The following PIGB variants were observed in gnomAD, a reference collection of about 807,000 sequenced individuals.
PIGB encodes GPI alpha-1,2-mannosyltransferase 3.
Under a neutral mutation model 68.4 loss-of-function variants are expected in PIGB, and 58 were observed. The observed-to-expected ratio is 0.85, with a 90% CI of 0.69 to 1.06. The LOEUF is 1.06. PIGB is among the 50% of genes least tolerant of loss of function. The pLI, the probability that PIGB is intolerant of heterozygous loss-of-function variation, is 0.00. For missense variants in PIGB, 634 were observed against 655.8 expected (o/e 0.97, Z 0.36); for synonymous variants, 219 against 220.5 (o/e 0.99, Z 0.06).
Position 55,319,342 on chromosome 15 carries a change from A to C in PIGB, c.92A>C (p.Lys31Thr). The C allele has an allele frequency of 6.3e-7, 1 of 1,577,278 alleles. No homozygotes were observed. Among genetic ancestry groups the C allele is most frequent in the East Asian group, 2.3e-5 (1 of 43,448 alleles). Residue 31 changes from lysine to threonine, a missense_variant, in exon 1 of 12, where the codon AAG becomes ACG. Lys to Thr is a moderately conservative substitution (Grantham distance 78). Coordinates refer to ENST00000164305, the MANE Select transcript of PIGB (RefSeq NM_004855.5). ...LHGLQNRSHG[K>T]IKLRKRKSTL... ...GGTCTCCAGAACCGCTCCCACGGCAAGATAAAGCTGCGAAAGAGAAAGTCT... is the reference window on the plus strand; with the variant it reads ...GGTCTCCAGAACCGCTCCCACGGCACGATAAAGCTGCGAAAGAGAAAGTCT...
At chr15:55,336,945 G>A (rs1022849647) in intron 6 of PIGB, among the ~76,000 whole-genome samples, 4 of 151,950 alleles carry the variant, frequency 2.6e-5, no homozygotes, top group African/African-American at 9.7e-5. Context: ...AACTGAAATT[G>A]CACCACTGCA....
intron 1 of PIGB, 163 bp from the exon 2 acceptor site, chr15:55,320,112 G>C (rs1458243819): frequency 6.2e-6 from 3 of 482,170 alleles, no homozygotes; most frequent in Non-Finnish European, 1.1e-5. Flanking sequence ...ATGACGCTGT[G>C]GTGCTTGTAT....
chr15:55,327,713 C>A lies in PIGB; in HGVS notation c.522+78C>A. 5 of 808,300 alleles carry A rather than the reference C, an allele frequency of 6.2e-6. No individual in the cohort carries two copies. The South Asian group carries it at 6.2e-5, about 10-fold the overall frequency. 50.1% of individuals were successfully genotyped at this position (808,300 alleles called of 1,614,324 possible). ...TATAAAGCACATGGAAACATTGATT[C>A]CCAAAACAATTTTAGAAGATAATTC... On this transcript the variant is annotated intron_variant, in intron 4 of 11. Coordinates refer to ENST00000164305, the MANE Select transcript of PIGB (RefSeq NM_004855.5).
intron 3 of PIGB, among the ~76,000 whole-genome samples, chr15:55,324,286 G>A (rs1424450327): frequency 6.6e-6 from 1 of 152,134 alleles, no homozygotes; most frequent in Non-Finnish European, 1.5e-5. Flanking sequence ...TACCAACATA[G>A]GCCTAGTGCT....
At chr15:55,353,061 G>T (rs2247550) in intron 10 of PIGB, among the ~76,000 whole-genome samples, 4 of 152,132 alleles carry the variant, frequency 2.6e-5, no homozygotes, top group Non-Finnish European at 5.9e-5. Context: ...TTCACTCTCC[G>T]TGCTCACATT....
intron 10 of PIGB, among the ~76,000 whole-genome samples, chr15:55,353,480 G>A (rs1384231152): frequency 6.6e-6 from 1 of 151,444 alleles, no homozygotes; most frequent in Non-Finnish European, 1.5e-5. Context: ...AATTTTAAAT[G>A]TTTGTATCAG....
At chr15:55,329,975 T>G in intron 5 of PIGB, 121 bp downstream of exon 5, 1 of 615,368 alleles carries the variant, frequency 1.6e-6, no homozygotes, top group Non-Finnish European at 2.8e-6. Flanking sequence ...AACCACAAAT[T>G]TTCAGTTGAT....
At chr15:55,320,233 T>C in intron 1 of PIGB, 42 bp from the exon 2 acceptor site, 4 of 1,592,122 alleles carry the variant, frequency 2.5e-6, no homozygotes, top group Non-Finnish European at 3.4e-6. Context: ...TGGAACTGCC[T>C]GACTTTTGTG....
chr15:55,330,444 T>C (rs961059260), intron 5 of PIGB, among the ~76,000 whole-genome samples: 67 of 152,218 alleles, frequency 4.4e-4, no homozygotes, highest in African/African-American at 1.6e-3. Context: ...TTTATTTGGC[T>C]TCCTTTAAAC....
rs1290299315 is a variant in PIGB at position 55,355,403 on chromosome 15, G to A, written c.1636G>A (p.Gly546Arg). The change falls in exon 12 of 12, where the codon GGG (glycine) becomes AGG (arginine). Residue 546 changes from glycine to arginine, a missense_variant. Gly to Arg is a moderately radical substitution (Grantham distance 125, BLOSUM62 -2). Transcript: ENST00000164305. ...ATATGTCTATGAACGGAAGTTAAAA[G>A]GGAAATTCAACATGAAGATGAAATT... ...HIYVYERKLKGKFNMKMKF is the reference protein window; with the variant it reads ...HIYVYERKLKRKFNMKMKF 6.2e-7 allele frequency: 1 copy of A among 1,607,378 alleles called. No individual in the cohort carries two copies. The highest frequency in any genetic ancestry group is 8.5e-7 in the Non-Finnish European group (1 of 1,177,334).
intron 9 of PIGB, chr15:55,350,375 C>T (rs916796844): frequency 3.6e-5 from 10 of 277,482 alleles, no homozygotes; most frequent in African/African-American, 2.0e-4. Context: ...GACATTTTTT[C>T]TAACACTTGA....
chr15:55,342,386 T>C (rs1468866077), intron 9 of PIGB, among the ~76,000 whole-genome samples: 1 of 152,184 alleles, frequency 6.6e-6, no homozygotes, highest in African/African-American at 2.4e-5. Flanking sequence ...CTAAGGCATA[T>C]GCAATTATTA....
chr15:55,332,253 G>A (rs891155015), intron 5 of PIGB, among the ~76,000 whole-genome samples: 3 of 151,282 alleles, frequency 2.0e-5, no homozygotes, highest in South Asian at 2.1e-4. Context: ...GATTACAGGC[G>A]TGAGTCACTG....
chr15:55,338,776 C>T (rs369728493), intron 6 of PIGB, among the ~76,000 whole-genome samples: 1 of 152,152 alleles, frequency 6.6e-6, no homozygotes, highest in Non-Finnish European at 1.5e-5. Flanking sequence ...TTTAAGGAAA[C>T]GGCCATATGT....
rs1008655470 is a variant in PIGB, at chr15:55,327,470, A to G, written c.418-61A>G. 10 of 1,094,706 alleles carry G rather than the reference A, an allele frequency of 9.1e-6. No homozygotes were observed. In the African/African-American group the frequency reaches 1.6e-4, roughly 17 times the overall value. 67.8% of individuals were successfully genotyped at this position (1,094,706 alleles called of 1,614,324 possible). On this transcript the variant is annotated intron_variant, in intron 3 of 11. Coordinates refer to ENST00000164305, the MANE Select transcript of PIGB (RefSeq NM_004855.5). The stretch of plus-strand genomic sequence containing the variant: ...TTGGATCAGCTTGTTGACTTTTATC[A>G]TAATTCAGTTTGAACCAACAGATAT...
Position 55,320,741 on chromosome 15 carries a change from C to T in PIGB, c.299+331C>T, listed in dbSNP as rs576751972. On this transcript the variant is annotated intron_variant, in intron 2 of 11. Transcript: ENST00000164305. ...CTCTCTCAAAATATCTTCATATTTT[C>T]AGACAGTGGTTGACTCTGGGCAACT... Among the ~76,000 whole-genome samples, 7 of 152,228 alleles carry T rather than the reference C, an allele frequency of 4.6e-5. No individual in the cohort carries two copies. In the East Asian group the frequency reaches 1.4e-3, roughly 29 times the overall value.
Position 55,354,936 on chromosome 15 carries a change from A to G in PIGB, c.1476A>G (p.Ala492=), listed in dbSNP as rs2056040002. 6.2e-7 allele frequency: 1 copy of G among 1,613,122 alleles called. No individual in the cohort carries two copies. Among genetic ancestry groups the G allele is most frequent in the Non-Finnish European group, 8.5e-7 (1 of 1,179,558 alleles). ...NWLHREFHDD[A]SLPTHLITFS... ...TACATAGAGAGTTTCATGATGATGCATCATTGCCTACTCACTTGATCACCT... is the reference window on the plus strand; with the variant it reads ...TACATAGAGAGTTTCATGATGATGCGTCATTGCCTACTCACTTGATCACCT... The change falls in exon 11 of 12, where the codon GCA becomes GCG. Residue 492 remains alanine (A), a synonymous_variant. Transcript: ENST00000164305.
At chr15:55,344,376 C>T (rs1035958037) in intron 9 of PIGB, among the ~76,000 whole-genome samples, 7 of 152,216 alleles carry the variant, frequency 4.6e-5, no homozygotes, top group African/African-American at 7.2e-5. Context: ...TGGCATAGGC[C>T]GGGTTCCAAG....
intron 9 of PIGB, chr15:55,346,730 G>A (rs1014585477): frequency 2.0e-5 from 3 of 152,196 alleles, no homozygotes; most frequent in Non-Finnish European, 4.4e-5. Flanking sequence ...TTATTTCAGT[G>A]AGAACTCCAT....
Sources: allele counts gnomAD v4.1 joint callset (sites outside exome capture counted in the v4.1 genomes callset), GRCh38; gene constraint gnomAD v4.1.1; transcripts MANE v1.5; gene names NCBI Gene and HGNC (gene_info 2026-07-23, HGNC 2026-07-21).